PTPRD: variants seen among roughly 807,000 people sequenced by gnomAD.
PTPRD encodes receptor-type tyrosine-protein phosphatase delta.
Under a neutral mutation model 214.5 loss-of-function variants are expected in PTPRD, and 34 were observed. That is an observed-to-expected ratio of 0.16 (90% CI 0.12 to 0.21). The LOEUF (loss-of-function observed/expected upper bound fraction) is 0.21, where lower values mean the gene tolerates loss of function less well. Ranked by LOEUF, PTPRD falls within the 10% of genes least tolerant of loss-of-function variation. The probability of loss-of-function intolerance (pLI) is 1.00; values close to 1 mark genes in which losing one functional copy is unlikely to be tolerated. For missense variants in PTPRD, 2,545 were observed against 2,398.7 expected (o/e 1.06, Z -1.27); for synonymous variants, 1,128 against 845.7 (o/e 1.33, Z -5.79).
intron 7 of PTPRD, among the ~76,000 whole-genome samples, chr9:9,616,915 G>A (rs2094906303): frequency 6.6e-6 from 1 of 152,114 alleles, no homozygotes; most frequent in Admixed American, 6.6e-5. Context: ...ATTTGCTGAG[G>A]AGTGTTTTAC....
Position 9,765,957 on chromosome 9 carries a change from C to T in PTPRD, c.-326+853G>A, listed in dbSNP as rs900823735. Reference sequence around the variant, plus strand: ...GATTACAGGCGTGAGCCACCGCGCCCAGCCCGTAAATTCTTTATATGTTAG... The same window carrying T: ...GATTACAGGCGTGAGCCACCGCGCCTAGCCCGTAAATTCTTTATATGTTAG... On this transcript the variant is annotated intron_variant, in intron 6 of 45. Coordinates refer to ENST00000381196, the MANE Select transcript of PTPRD (RefSeq NM_002839.4). 4.6e-5 allele frequency among the ~76,000 whole-genome samples: 7 copies of T among 152,300 alleles called. No homozygotes were observed. The East Asian group carries it at 1.4e-3, about 29-fold the overall frequency.
chr9:9,542,422 C>A (rs1391656221), intron 8 of PTPRD, among the ~76,000 whole-genome samples: 1 of 151,508 alleles, frequency 6.6e-6, no homozygotes, highest in Non-Finnish European at 1.5e-5. Context: ...AAAGCTCTTA[C>A]CTTTAAATAA....
At chr9:8,406,682 A>G (rs1468243934) in intron 35 of PTPRD, among the ~76,000 whole-genome samples, 1 of 152,240 alleles carries the variant, frequency 6.6e-6, no homozygotes, top group Admixed American at 6.5e-5. Context: ...ATAAAGAGAA[A>G]TCATAGAGTA....
chr9:9,947,996 T>C (rs1185340862), intron 4 of PTPRD, among the ~76,000 whole-genome samples: 1 of 151,944 alleles, frequency 6.6e-6, no homozygotes, highest in Non-Finnish European at 1.5e-5. Context: ...GGTAGCAAGA[T>C]TTTTTTCTTC....
At chr9:9,126,198 T>C (rs1004699347) in intron 10 of PTPRD, among the ~76,000 whole-genome samples, 4 of 152,242 alleles carry the variant, frequency 2.6e-5, no homozygotes, top group Non-Finnish European at 5.9e-5. Context: ...CAATTTATTT[T>C]AGATCGATAA....
intron 11 of PTPRD, among the ~76,000 whole-genome samples, chr9:8,891,951 T>A (rs1392451035): frequency 1.3e-5 from 2 of 152,200 alleles, no homozygotes; most frequent in African/African-American, 2.4e-5. Context: ...AAAATCCTTG[T>A]GATTATCTTC....
chr9:10,330,553 G>C (rs1488637192), intron 3 of PTPRD, among the ~76,000 whole-genome samples: 1 of 151,790 alleles, frequency 6.6e-6, no homozygotes, highest in Admixed American at 6.6e-5. Flanking sequence ...GTTTCTTGAT[G>C]CATACTGCCT....
Position 8,485,834 on chromosome 9 carries a change from G to A in PTPRD, c.2983C>T (p.Arg995Cys), listed in dbSNP as rs35929428. ...KPDTTYDVKV[R>C]AHTSKGPGPY... Reference sequence around the variant, plus strand: ...CCGGGCCCTTTGCTCGTATGAGCACGTACTTTTACATCGTATGTGGTATCT... The same window carrying A: ...CCGGGCCCTTTGCTCGTATGAGCACATACTTTTACATCGTATGTGGTATCT... The change falls in exon 28 of 46, where the codon CGT becomes TGT. Residue 995 changes from arginine (R) to cysteine (C), a missense_variant. Arg to Cys is a radical substitution (Grantham distance 180). Transcript: ENST00000381196. The A allele has an allele frequency of 0.09, 145,486 of 1,613,976 alleles. 7,046 individuals carry two copies. The highest frequency in any genetic ancestry group is 0.13 in the South Asian group (11,778 of 91,078).
intron 14 of PTPRD, among the ~76,000 whole-genome samples, chr9:8,544,983 C>T (rs1304970738): frequency 6.7e-6 from 1 of 148,876 alleles, no homozygotes; most frequent in African/African-American, 2.5e-5. Context: ...AACATGATGA[C>T]CAGGGTTTCA....
chr9:9,302,520 T>C (rs1955702798), intron 9 of PTPRD, among the ~76,000 whole-genome samples: 1 of 151,748 alleles, frequency 6.6e-6, no homozygotes, highest in South Asian at 2.1e-4. Context: ...TATATTTCCA[T>C]GTTCCGCCTT....
At chr9:10,408,708 C>T (rs1331356600) in intron 2 of PTPRD, among the ~76,000 whole-genome samples, 3 of 151,656 alleles carry the variant, frequency 2.0e-5, no homozygotes, top group African/African-American at 4.8e-5. Context: ...CTGTATTTAT[C>T]GTGTAACAAC....
At chr9:10,391,931 C>T (rs371211396) in intron 2 of PTPRD, among the ~76,000 whole-genome samples, 1 of 151,744 alleles carries the variant, frequency 6.6e-6, no homozygotes, top group African/African-American at 2.4e-5. Context: ...CAGGTCATCA[C>T]AAGTTTCACT....
At chr9:8,690,215 C>T (rs2097774251) in intron 12 of PTPRD, among the ~76,000 whole-genome samples, 1 of 151,698 alleles carries the variant, frequency 6.6e-6, no homozygotes, top group African/African-American at 2.4e-5. Flanking sequence ...TATGACTTTA[C>T]ATAATTTTCT....
chr9:9,518,527 A>G (rs1013646776), intron 8 of PTPRD, among the ~76,000 whole-genome samples: 2 of 152,088 alleles, frequency 1.3e-5, no homozygotes, highest in Non-Finnish European at 2.9e-5. Flanking sequence ...AGGGTAGGTC[A>G]ATGCAGAAAT....
Position 8,434,448 on chromosome 9 carries a change from G to A in PTPRD, c.4086+2144C>T, listed in dbSNP as rs184423571. ...ACTATCTAGGTTTGCTATACTCCAC[G>A]ATGTTTACACAGTGACAAAATCACC... On this transcript the variant is annotated intron_variant, in intron 35 of 45. Coordinates refer to ENST00000381196, the MANE Select transcript of PTPRD (RefSeq NM_002839.4). Among the ~76,000 whole-genome samples the A allele has an allele frequency of 3.1e-3, 477 of 152,174 alleles. 13 individuals carry two copies. Among genetic ancestry groups the A allele is most frequent in the Non-Finnish European group, 6.3e-4 (43 of 68,018 alleles).
chr9:9,955,118 G>A (rs964034427), intron 4 of PTPRD, among the ~76,000 whole-genome samples: 1 of 152,116 alleles, frequency 6.6e-6, no homozygotes, highest in Non-Finnish European at 1.5e-5. Flanking sequence ...AGTAGGCATA[G>A]AAAGCCTAAC....
rs2098628640 is a variant in PTPRD at position 8,897,446 on chromosome 9, G to C, written c.-104+121251C>G. The stretch of plus-strand genomic sequence containing the variant: ...GGGTTGATACACTAAGTGAAGCTTT[G>C]AGGTAAGCTACCACATAGTGATGGT... On this transcript the variant is annotated intron_variant, in intron 11 of 45. Coordinates refer to ENST00000381196, the MANE Select transcript of PTPRD (RefSeq NM_002839.4). Among the ~76,000 whole-genome samples the C allele has an allele frequency of 2.6e-5, 4 of 152,192 alleles. No individual in the cohort carries two copies. In the South Asian group the frequency reaches 8.3e-4, roughly 32 times the overall value.
chr9:9,760,409 G>C (rs1021523509), intron 6 of PTPRD, among the ~76,000 whole-genome samples: 4 of 151,870 alleles, frequency 2.6e-5, no homozygotes, highest in Non-Finnish European at 4.4e-5. Context: ...GAATTTCAAG[G>C]AGACACAAGG....
intron 2 of PTPRD, among the ~76,000 whole-genome samples, chr9:10,343,907 G>C (rs559483507): frequency 6.8e-6 from 1 of 147,948 alleles, no homozygotes; most frequent in East Asian, 2.0e-4. Flanking sequence ...CTGGATATTA[G>C]CTCTTTGTCA....
Sources: gnomAD v4.1 joint callset for allele counts (sites outside exome capture counted in the v4.1 genomes callset) on GRCh38, gnomAD v4.1.1 for gene constraint, MANE v1.5 for transcripts, NCBI Gene and HGNC (gene_info 2026-07-23, HGNC 2026-07-21) for gene names.